Variants in SAMSN1 observed in about 807,000 individuals in gnomAD.
SAMSN1 encodes SAM domain, SH3 domain and nuclear localization signals 1.
In SAMSN1, 31 loss-of-function variants were observed where a neutral mutation model predicts 42.0. The ratio of observed to expected loss-of-function variants is 0.74; its 90% confidence interval spans 0.55 to 1.00. SAMSN1 has a LOEUF of 1.00. SAMSN1 is among the 50% of genes least tolerant of loss of function. The probability of loss-of-function intolerance (pLI) is 0.00; values close to 1 mark genes in which losing one functional copy is unlikely to be tolerated. For missense variants in SAMSN1, 464 were observed against 439.4 expected, an observed-to-expected ratio of 1.06 and a Z score of -0.50; for synonymous variants, 178 against 151.9, an observed-to-expected ratio of 1.17 and a Z score of -1.26.
chr21:14,538,249 A>T (rs1470359219), intron 1 of SAMSN1, among the ~76,000 whole-genome samples: 1 of 152,108 alleles, frequency 6.6e-6, no homozygotes, highest in Non-Finnish European at 1.5e-5. Flanking sequence ...TATATCATGT[A>T]TTTTATTCCA....
Position 14,486,065 on chromosome 21 carries a change from G to A in SAMSN1, c.969C>T (p.Asp323=), listed in dbSNP as rs1392080511. 1.2e-6 allele frequency: 2 copies of A among 1,613,694 alleles called. No homozygotes were observed. Among genetic ancestry groups the A allele is most frequent in the Non-Finnish European group, 1.7e-6 (2 of 1,179,744 alleles). ...CTAACTGTGACTTATTTAAGGAGAT[G>A]TCTGAGCTCAAGGATAGGGGCTCAG... ...NEPEPLSLSS[D]ISLNKSQLDD... Residue 323 remains aspartate (D), a synonymous_variant, in exon 8 of 8, where the codon GAC becomes GAT. Coordinates refer to ENST00000400566, the MANE Select transcript of SAMSN1 (RefSeq NM_022136.5).
intron 6 of SAMSN1, chr21:14,601,968 G>A: frequency 3.2e-6 from 2 of 627,518 alleles, no homozygotes; most frequent in Non-Finnish European, 5.9e-6. Context: ...ATATTACAGA[G>A]CTGAGTAACA....
chr21:14,516,857 T>G (rs1225915973), intron 3 of SAMSN1, 35 bp downstream of exon 3: 10 of 1,552,986 alleles, frequency 6.4e-6, no homozygotes, highest in Non-Finnish European at 8.8e-6. Flanking sequence ...AAAGTTTTAG[T>G]AGAAAAATAC....
intron 7 of SAMSN1, among the ~76,000 whole-genome samples, chr21:14,497,228 A>T (rs1049380283): frequency 6.6e-6 from 1 of 152,204 alleles, no homozygotes; most frequent in Non-Finnish European, 1.5e-5. Context: ...TCAAGAGAAT[A>T]ATCAGGAAAG....
chr21:14,608,265 GT>G (rs1982615945), intron 5 of SAMSN1, among the ~76,000 whole-genome samples: 2 of 152,214 alleles, frequency 1.3e-5, no homozygotes, highest in Admixed American at 6.5e-5. Context: ...CTATCTCCTG[GT>G]AGCATCCTCA....
chr21:14,546,235 A>C lies in SAMSN1; in HGVS notation c.27T>G (p.Val9=). 6.2e-7 allele frequency: 1 copy of C among 1,613,584 alleles called. No individual in the cohort carries two copies. MLKRKPSN[V]SEKEKHQKPK... Reference sequence around the variant, plus strand: ...GTTTTTGATGTTTCTCCTTCTCTGAAACATTGGATGGCTTTCTCTTGAGCA... The same window carrying C: ...GTTTTTGATGTTTCTCCTTCTCTGACACATTGGATGGCTTTCTCTTGAGCA... The change falls in exon 1 of 8, where the codon GTT becomes GTG. Residue 9 remains valine (V), a synonymous_variant. Transcript: ENST00000400566.
At chr21:14,516,122 A>C (rs1893300952) in intron 3 of SAMSN1, among the ~76,000 whole-genome samples, 1 of 152,220 alleles carries the variant, frequency 6.6e-6, no homozygotes, top group African/African-American at 2.4e-5. Flanking sequence ...TTAGACATGG[A>C]GTTACTATAT....
At chr21:14,526,177 A>G (rs1191628253) in intron 1 of SAMSN1, among the ~76,000 whole-genome samples, 1 of 152,176 alleles carries the variant, frequency 6.6e-6, no homozygotes, top group Non-Finnish European at 1.5e-5. Context: ...CAGTTTCATA[A>G]CTTTAATAAG....
intron 3 of SAMSN1, among the ~76,000 whole-genome samples, chr21:14,514,277 C>G (rs1481147947): frequency 6.6e-6 from 1 of 152,096 alleles, no homozygotes; most frequent in African/African-American, 2.4e-5. Flanking sequence ...TTCTCTTTAG[C>G]CTTCCTAGCA....
rs117512065 is a variant in SAMSN1, at chr21:14,637,072, A to G, written c.156+5930T>C. On this transcript the variant is annotated intron_variant, in intron 2 of 15. Transcript: ENST00000647101. ...CGCCATCAGCAATTTCAAGCCTTCA[A>G]TCCTACCTTGTCCAATATGGCAGCC... 4.7e-3 allele frequency among the ~76,000 whole-genome samples: 710 copies of G among 152,316 alleles called. 3 individuals are homozygous for G. Among genetic ancestry groups the G allele is most frequent in the Non-Finnish European group, 7.7e-3 (525 of 68,026 alleles).
chr21:14,635,482 C>T (rs1396332823), intron 2 of SAMSN1, among the ~76,000 whole-genome samples: 1 of 152,120 alleles, frequency 6.6e-6, no homozygotes, highest in East Asian at 1.9e-4. Flanking sequence ...CTCCACTATA[C>T]CTAGGTGTCT....
intron 1 of SAMSN1, among the ~76,000 whole-genome samples, chr21:14,541,593 A>C (rs1980037153): frequency 6.6e-6 from 1 of 152,140 alleles, no homozygotes; most frequent in Non-Finnish European, 1.5e-5. Flanking sequence ...GTCCAAGAAA[A>C]TTCTTCTTCT....
rs1568832896 is a variant in SAMSN1, at chr21:14,618,704, A to ACG, written c.157-2690_157-2689dup. Among the ~76,000 whole-genome samples, 91 of 87,004 alleles carry ACG rather than the reference A, an allele frequency of 1.0e-3. No homozygotes were observed. In the Middle Eastern group the frequency reaches 0.015, roughly 14 times the overall value. 57.1% of individuals were successfully genotyped at this position (87,004 alleles called of 152,430 possible). On this transcript the variant is annotated intron_variant, in intron 2 of 15. Coordinates refer to the SAMSN1 transcript ENST00000647101. ...TGTGTGTGTGTGTGCGCGCGCGCGCACGCGCGTGTGTGTGTGTGTGTGTTC... is the reference window on the plus strand; with the variant it reads ...TGTGTGTGTGTGTGCGCGCGCGCGCACGCGCGCGTGTGTGTGTGTGTGTGTTC...
intron 1 of SAMSN1, among the ~76,000 whole-genome samples, chr21:14,522,927 G>A (rs1978587643): frequency 6.6e-6 from 1 of 152,036 alleles, no homozygotes; most frequent in Non-Finnish European, 1.5e-5. Context: ...TCCTCATTGT[G>A]GAACAATTTG....
At chr21:14,552,918 T>C (rs577927981) in intron 2 of SAMSN1, among the ~76,000 whole-genome samples, 1 of 152,204 alleles carries the variant, frequency 6.6e-6, no homozygotes, top group South Asian at 2.1e-4. Flanking sequence ...TATTTCTAAA[T>C]GTCATTTAAA....
At chr21:14,632,544 AAAT>A (rs1281141974) in intron 2 of SAMSN1, among the ~76,000 whole-genome samples, 2 of 152,198 alleles carry the variant, frequency 1.3e-5, no homozygotes, top group Non-Finnish European at 2.9e-5. Context: ...ATTGTAATAC[AAAT>A]AATATTGTAA....
At chr21:14,592,570 C>T in intron 7 of SAMSN1, 1 of 306,716 alleles carries the variant, frequency 3.3e-6, no homozygotes, top group Non-Finnish European at 7.2e-6. Context: ...ATTCATTGTT[C>T]CTCAAATATC....
At chr21:14,556,093 AG>A (rs1385569343) in intron 2 of SAMSN1, among the ~76,000 whole-genome samples, 2 of 152,204 alleles carry the variant, frequency 1.3e-5, no homozygotes, top group Non-Finnish European at 2.9e-5. Flanking sequence ...TCCTTTCCTC[AG>A]AAACGCTATT....
intron 2 of SAMSN1, among the ~76,000 whole-genome samples, chr21:14,552,272 TAGAAGCACAAATG>T (rs538120012): frequency 6.2e-4 from 95 of 152,084 alleles, no homozygotes; most frequent in Non-Finnish European, 1.2e-3. Context: ...GTAATCAGAG[TAGAAGCACAAATG>T]AGACTTATGC....
Sources: allele counts gnomAD v4.1 joint callset (sites outside exome capture counted in the v4.1 genomes callset), GRCh38; gene constraint gnomAD v4.1.1; transcripts MANE v1.5; gene names NCBI Gene and HGNC (gene_info 2026-07-23, HGNC 2026-07-21).